SEMA3D: variants seen among roughly 807,000 people sequenced by gnomAD.
The protein encoded by SEMA3D is semaphorin-3D.
A neutral mutation model predicts 100.1 loss-of-function variants in SEMA3D; 84 were observed. The ratio of observed to expected loss-of-function variants is 0.84; its 90% CI spans 0.70 to 1.01. The LOEUF (loss-of-function observed/expected upper bound fraction) is 1.01. Among genes scored for constraint, SEMA3D ranks in the 50% least tolerant of loss-of-function variants. The pLI is 0.00. For missense variants in SEMA3D, 875 were observed against 934.1 expected, an observed-to-expected ratio of 0.94 and a Z score of 0.82; for synonymous variants, 312 against 320.7, an observed-to-expected ratio of 0.97 and a Z score of 0.29.
chr7:85,131,900 T>C (rs1225199598), intron 2 of SEMA3D, among the ~76,000 whole-genome samples: 2 of 151,932 alleles, frequency 1.3e-5, no homozygotes, highest in Non-Finnish European at 2.9e-5. Context: ...TTTATTAATG[T>C]TTTCTGTTTT....
chr7:85,192,093 C>T, the SEMA3D span, among the ~76,000 whole-genome samples: 1 of 151,990 alleles, frequency 6.6e-6, no homozygotes, highest in African/African-American at 2.4e-5. Flanking sequence ...TCCTTTTGCC[C>T]TACTTTACTC....
At chr7:85,229,137 C>T in the SEMA3D span, among the ~76,000 whole-genome samples, 1 of 151,914 alleles carries the variant, frequency 6.6e-6, no homozygotes, top group East Asian at 1.9e-4. Flanking sequence ...AAAATGGAGC[C>T]TTTGCATGTT....
At chr7:85,058,000 C>T (rs1205672965) in intron 8 of SEMA3D, among the ~76,000 whole-genome samples, 2 of 152,172 alleles carry the variant, frequency 1.3e-5, no homozygotes, top group Non-Finnish European at 2.9e-5. Context: ...AATATCGTCT[C>T]AGCCTCTCTG....
chr7:84,999,395 T>C lies in SEMA3D; in HGVS notation c.*45A>G. 2 of 1,505,872 alleles carry C rather than the reference T, an allele frequency of 1.3e-6. No individual in the cohort carries two copies. Among genetic ancestry groups the C allele is most frequent in the African/African-American group, 1.4e-5 (1 of 72,108 alleles). The allele number at this position is 1,505,872 out of a possible 1,614,324, so 93.3% of individuals were successfully genotyped here. ...AAGGGATATACAAAACAGAAGGCAATGTTTTTATAGGTAAGGAATTCTTTT... is the reference window on the plus strand; with the variant it reads ...AAGGGATATACAAAACAGAAGGCAACGTTTTTATAGGTAAGGAATTCTTTT... On this transcript the variant is annotated 3_prime_UTR_variant, in exon 19 of 19. Transcript: ENST00000284136.
At chr7:85,087,431 C>T (rs578122914) in intron 4 of SEMA3D, among the ~76,000 whole-genome samples, 22 of 152,294 alleles carry the variant, frequency 1.4e-4, no homozygotes, top group South Asian at 2.1e-4. Context: ...TGTCTACCCA[C>T]GTGCAGGAGA....
intron 2 of SEMA3D, among the ~76,000 whole-genome samples, chr7:85,122,592 A>C (rs1160510586): frequency 6.6e-6 from 1 of 152,178 alleles, no homozygotes; most frequent in Non-Finnish European, 1.5e-5. Flanking sequence ...TATCATCCCC[A>C]AATGAAAAGA....
intron 3 of SEMA3D, among the ~76,000 whole-genome samples, chr7:85,102,765 G>A (rs1788788252): frequency 6.6e-6 from 1 of 151,970 alleles, no homozygotes; most frequent in African/African-American, 2.4e-5. Flanking sequence ...AAATGTTTAA[G>A]AGCTGTTTAT....
intron 3 of SEMA3D, among the ~76,000 whole-genome samples, chr7:85,110,172 T>C (rs990505641): frequency 1.3e-5 from 2 of 151,964 alleles, no homozygotes; most frequent in Admixed American, 6.6e-5. Context: ...TAGTGCATCA[T>C]ATATTACCTT....
At chr7:85,044,191 C>T (rs1790940066) in intron 9 of SEMA3D, among the ~76,000 whole-genome samples, 1 of 151,808 alleles carries the variant, frequency 6.6e-6, no homozygotes, top group African/African-American at 2.4e-5. Context: ...TGAAATTAAA[C>T]TAGAGAAAGG....
At chr7:85,093,285 G>C (rs193043780) in intron 4 of SEMA3D, among the ~76,000 whole-genome samples, 65 of 151,934 alleles carry the variant, frequency 4.3e-4, no homozygotes, top group African/African-American at 1.4e-3. Context: ...TCCTTTCCTT[G>C]CAAGTTTGAG....
At chr7:85,232,208 T>C in the SEMA3D span, among the ~76,000 whole-genome samples, 3 of 152,192 alleles carry the variant, frequency 2.0e-5, no homozygotes, top group Non-Finnish European at 4.4e-5. Flanking sequence ...GGGAATCACA[T>C]GGAAGCTAGG....
chr7:85,142,560 T>A, intron 2 of SEMA3D: 1 of 983,980 alleles, frequency 1.0e-6, no homozygotes, highest in Non-Finnish European at 1.2e-6. Context: ...TGGATATGGA[T>A]CTCAAGAGCA....
At chr7:85,090,354 G>C (rs918890072) in intron 4 of SEMA3D, among the ~76,000 whole-genome samples, 1 of 152,092 alleles carries the variant, frequency 6.6e-6, no homozygotes, top group African/African-American at 2.4e-5. Flanking sequence ...GGGCTAGGGA[G>C]CCAGCACATC....
intron 1 of SEMA3D, among the ~76,000 whole-genome samples, chr7:85,181,451 A>C (rs529926956): frequency 6.6e-6 from 1 of 152,336 alleles, no homozygotes; most frequent in East Asian, 1.9e-4. Flanking sequence ...GTAACAAATA[A>C]ATAAATTAAA....
intron 12 of SEMA3D, chr7:85,029,059 G>A (rs995533911): frequency 7.7e-6 from 4 of 520,724 alleles, no homozygotes; most frequent in Non-Finnish European, 1.5e-5. Flanking sequence ...AGTCATGGCT[G>A]TCCTCATCAA....
chr7:85,073,769 A>G (rs1791843334), intron 5 of SEMA3D, among the ~76,000 whole-genome samples: 1 of 152,212 alleles, frequency 6.6e-6, no homozygotes, highest in African/African-American at 2.4e-5. Context: ...CCAGTGTTAC[A>G]GAGCCTCTAA....
At chr7:85,066,942 AGAG>A (rs1358637363) in intron 7 of SEMA3D, among the ~76,000 whole-genome samples, 26 of 151,498 alleles carry the variant, frequency 1.7e-4, no homozygotes, top group Admixed American at 1.7e-3. Context: ...AGAGAGAGAG[AGAG>A]AACTCCAGCT....
chr7:85,117,420 C>G (rs1314921206), intron 3 of SEMA3D, among the ~76,000 whole-genome samples: 1 of 152,156 alleles, frequency 6.6e-6, no homozygotes, highest in Non-Finnish European at 1.5e-5. Context: ...CAATAGTTAT[C>G]CAAATTACAT....
At chr7:85,077,484 C>G (rs1787906380) in intron 5 of SEMA3D, among the ~76,000 whole-genome samples, 1 of 151,292 alleles carries the variant, frequency 6.6e-6, no homozygotes, top group Admixed American at 6.6e-5. Flanking sequence ...AAATAATCAG[C>G]ACGAAAAAGG....
Sources: allele counts gnomAD v4.1 joint callset (sites outside exome capture counted in the v4.1 genomes callset), GRCh38; gene constraint gnomAD v4.1.1; transcripts MANE v1.5; gene names NCBI Gene and HGNC (gene_info 2026-07-23, HGNC 2026-07-21).